NIPSNAP2: variants seen among roughly 807,000 people sequenced by gnomAD.
NIPSNAP2 encodes nipsnap homolog 2.
In NIPSNAP2, 42 loss-of-function variants were observed where a neutral mutation model predicts 48.4. The observed-to-expected ratio is 0.87, with a 90% confidence interval of 0.68 to 1.12. NIPSNAP2 has a LOEUF of 1.12. NIPSNAP2 is among the 50% of genes most tolerant of loss of function. NIPSNAP2 has a pLI of 0.00. For missense variants in NIPSNAP2, 314 were observed against 347.3 expected (o/e 0.90, Z 0.76); for synonymous variants, 158 against 126.6 (o/e 1.25, Z -1.67).
At position 55,978,166 on chromosome 7, in the gene NIPSNAP2, T is replaced by C. The variant is rs1374981380; in HGVS notation, c.133T>C (p.Trp45Arg). Reference protein sequence around the residue: ...SSSNRSREDSWLKSLFVRKVD... With the variant: ...SSSNRSREDSRLKSLFVRKVD... ...CAGCAACAGATCTCGAGAAGACAGC[T>C]GGCTAAAATCCTTATTTGTCCGGAA... Residue 45 changes from tryptophan to arginine, a missense_variant, in exon 2 of 10, where the codon TGG (tryptophan) becomes CGG (arginine). Physicochemically the swap from Trp to Arg is moderately radical, Grantham distance 101. This residue lies in a region of NIPSNAP2 where 198 missense variants were observed against 185.5 expected (regional missense o/e 1.07). Coordinates refer to ENST00000322090, the MANE Select transcript of NIPSNAP2 (RefSeq NM_001483.3). The C allele has an allele frequency of 7.4e-6, 12 of 1,614,176 alleles. No homozygotes were observed. Among genetic ancestry groups the C allele is most frequent in the Non-Finnish European group, 1.0e-5 (12 of 1,180,022 alleles).
chr7:55,964,663 G>T lies in NIPSNAP2; in HGVS notation c.54G>T (p.Leu18=). Residue 18 remains leucine, a synonymous_variant, in exon 1 of 10, where the codon CTG becomes CTT. Coordinates refer to ENST00000322090, the MANE Select transcript of NIPSNAP2 (RefSeq NM_001483.3). ...GAGCGGCCTGGGCCGGCGGCCTCCT[G>T]CAGCGGGCGGCCCCCTGCAGCCTCC... ...ARGAAWAGGL[L]QRAAPCSLLP... 1 of 1,114,144 alleles carries T rather than the reference G, an allele frequency of 9.0e-7. No individual in the cohort carries two copies. The highest frequency in any genetic ancestry group is 1.1e-6 in the Non-Finnish European group (1 of 913,162). The allele number at this position is 1,114,144 out of a possible 1,614,324, so 69.0% of individuals were successfully genotyped here.
chr7:55,973,771 C>T (rs770148791), intron 1 of NIPSNAP2, among the ~76,000 whole-genome samples: 18 of 152,072 alleles, frequency 1.2e-4, no homozygotes, highest in Non-Finnish European at 2.2e-4. Context: ...AAGCGTGAGC[C>T]ACCACTCCCG....
At chr7:55,993,133 T>A (rs1270692816) in intron 7 of NIPSNAP2, among the ~76,000 whole-genome samples, 1 of 151,902 alleles carries the variant, frequency 6.6e-6, no homozygotes, top group East Asian at 1.9e-4. Flanking sequence ...ATCCCATCTC[T>A]ACTAAAAATA....
chr7:55,974,258 CAA>C (rs34972221), intron 1 of NIPSNAP2, among the ~76,000 whole-genome samples: 8,524 of 123,516 alleles, frequency 0.069, 776 homozygotes, highest in African/African-American at 0.22. Context: ...ATTTTTTAAG[CAA>C]AAAAAAAGAA....
At chr7:55,975,220 G>C (rs1787085727) in intron 1 of NIPSNAP2, among the ~76,000 whole-genome samples, 1 of 152,086 alleles carries the variant, frequency 6.6e-6, no homozygotes, top group African/African-American at 2.4e-5. Flanking sequence ...AGGCATGGTG[G>C]TGTGCATATG....
intron 5 of NIPSNAP2, among the ~76,000 whole-genome samples, chr7:55,983,056 G>A (rs920777859): frequency 6.6e-6 from 1 of 152,002 alleles, no homozygotes; most frequent in Admixed American, 6.6e-5. Context: ...CCAGAAGGCA[G>A]AGGTTGCAGT....
intron 3 of NIPSNAP2, 49 bp downstream of exon 3, chr7:55,978,444 T>G: frequency 6.7e-7 from 1 of 1,492,758 alleles, no homozygotes; most frequent in Non-Finnish European, 9.2e-7. Context: ...ATGACTTTAT[T>G]TGTTAGTTAA....
At chr7:55,973,542 T>G (rs1161436307) in intron 1 of NIPSNAP2, among the ~76,000 whole-genome samples, 2 of 152,114 alleles carry the variant, frequency 1.3e-5, no homozygotes, top group African/African-American at 2.4e-5. Flanking sequence ...GTGGCACGAC[T>G]TGGCTCACTG....
intron 7 of NIPSNAP2, among the ~76,000 whole-genome samples, chr7:55,993,647 C>A (rs529752567): frequency 6.7e-6 from 1 of 150,258 alleles, no homozygotes; most frequent in South Asian, 2.1e-4. Context: ...GGCTGAGACA[C>A]GAGAATAACT....
Position 55,981,369 on chromosome 7 carries a change from A to G in NIPSNAP2, c.279-104A>G, listed in dbSNP as rs891344537. ...TCATGATGTTCTAAGGTCAGTTGTT[A>G]GAACACAGAGTAGGTGGTCTTTTTC... On this transcript the variant is annotated intron_variant, in intron 3 of 9. Coordinates refer to ENST00000322090, the MANE Select transcript of NIPSNAP2 (RefSeq NM_001483.3). The G allele has an allele frequency of 1.9e-5, 14 of 749,592 alleles. No homozygotes were observed. In the African/African-American group the frequency reaches 2.3e-4, roughly 12 times the overall value. 46.4% of individuals were successfully genotyped at this position (749,592 alleles called of 1,614,324 possible).
chr7:55,986,574 A>G (rs1276331472), intron 7 of NIPSNAP2, among the ~76,000 whole-genome samples: 1 of 152,056 alleles, frequency 6.6e-6, no homozygotes, highest in African/African-American at 2.4e-5. Context: ...AGGCAGGAGA[A>G]TCACTTGAAC....
At chr7:55,969,554 A>G (rs1195828244) in intron 1 of NIPSNAP2, among the ~76,000 whole-genome samples, 1 of 152,134 alleles carries the variant, frequency 6.6e-6, no homozygotes, top group African/African-American at 2.4e-5. Context: ...GTCATCATTG[A>G]AGAGCTTGTC....
chr7:55,996,285 C>CAA (rs11464121), intron 8 of NIPSNAP2, among the ~76,000 whole-genome samples: 18,558 of 109,340 alleles, frequency 0.17, 1,450 homozygotes, highest in Non-Finnish European at 0.2. Context: ...GACTCCGTCT[C>CAA]AAAAAAAAAA....
At chr7:55,995,050 G>A (rs1787530479) in intron 8 of NIPSNAP2, 62 bp downstream of exon 8, 1 of 1,348,108 alleles carries the variant, frequency 7.4e-7, no homozygotes, top group South Asian at 1.2e-5. Context: ...GTTGTACTGG[G>A]AAGTAGAGCA....
rs2116386100 is a variant in NIPSNAP2 at position 55,999,061 on chromosome 7, C to T, written c.850C>T (p.Pro284Ser). 1 of 1,613,168 alleles carries T rather than the reference C, an allele frequency of 6.2e-7. No individual in the cohort carries two copies. Among genetic ancestry groups the T allele is most frequent in the East Asian group, 2.2e-5 (1 of 44,872 alleles). Residue 284 changes from proline (P) to serine (S), a missense_variant, in exon 10 of 10, where the codon CCC (proline) becomes TCC (serine). This residue lies in a region of NIPSNAP2 where 116 missense variants were observed against 161.8 expected (regional missense o/e 0.72). Transcript: ENST00000322090. Reference sequence around the variant, plus strand: ...AATCATGATCCCACTGAAGACCTCGCCCCTCCAGTAAAGCTGTAGAGTTTC... The same window carrying T: ...AATCATGATCCCACTGAAGACCTCGTCCCTCCAGTAAAGCTGTAGAGTTTC... The part of the protein sequence containing the change: ...SRIMIPLKTS[P>S]LQ
chr7:55,980,195 C>G (rs1229048399), intron 3 of NIPSNAP2: 1 of 190,998 alleles, frequency 5.2e-6, no homozygotes, highest in Admixed American at 5.3e-5. Flanking sequence ...AGTCACGCAT[C>G]AGATACATTT....
At chr7:55,987,195 C>G (rs891191612) in intron 7 of NIPSNAP2, among the ~76,000 whole-genome samples, 4 of 152,034 alleles carry the variant, frequency 2.6e-5, no homozygotes, top group African/African-American at 9.7e-5. Context: ...TGTGATTCAG[C>G]AGTCCCACTT....
intron 1 of NIPSNAP2, chr7:55,965,298 G>C (rs1160061517): frequency 1.3e-5 from 2 of 152,094 alleles, no homozygotes; most frequent in Non-Finnish European, 2.9e-5. Flanking sequence ...AAAGTACTTA[G>C]AGTTATCAGC....
chr7:55,982,376 T>C (rs888381908), intron 5 of NIPSNAP2, 96 bp downstream of exon 5: 22 of 740,922 alleles, frequency 3.0e-5, no homozygotes, highest in Non-Finnish European at 4.3e-5. Flanking sequence ...GTTAATAAAC[T>C]TCATTTTTTT....
Sources: gnomAD v4.1 joint callset for allele counts (sites outside exome capture counted in the v4.1 genomes callset) on GRCh38, gnomAD v4.1.1 for gene constraint, gnomAD v4.1.1 regional missense constraint, MANE v1.5 for transcripts, NCBI Gene and HGNC (gene_info 2026-07-23, HGNC 2026-07-21) for gene names.